Variants in MAML3 observed in about 807,000 individuals in gnomAD.
MAML3 encodes the protein mastermind-like protein 3.
In MAML3, 27 loss-of-function variants were observed where a neutral mutation model predicts 101.9. The observed-to-expected ratio is 0.27, with a 90% CI of 0.20 to 0.37. The LOEUF (loss-of-function observed/expected upper bound fraction) is 0.37, where lower values mean the gene tolerates loss of function less well. MAML3 is among the 10% of genes least tolerant of loss of function. The pLI is 1.00. For synonymous variants in MAML3, 501 were observed against 555.9 expected (o/e 0.90, Z 1.39); for missense variants, 1,316 against 1,444.9 (o/e 0.91, Z 1.45).
intron 1 of MAML3, among the ~76,000 whole-genome samples, chr4:139,984,600 C>T (rs1734501939): frequency 6.6e-6 from 1 of 152,154 alleles, no homozygotes; most frequent in Non-Finnish European, 1.5e-5. Flanking sequence ...TCAGAGTTCT[C>T]TAAAAAAACA....
chr4:139,926,676 T>C (rs114524084), intron 1 of MAML3, among the ~76,000 whole-genome samples: 4,439 of 152,348 alleles, frequency 0.029, 106 homozygotes, highest in Middle Eastern at 0.065. Flanking sequence ...TTAAAGCCTC[T>C]AATTTTTTTA....
intron 1 of MAML3, among the ~76,000 whole-genome samples, chr4:139,951,734 CTT>C (rs71584344): frequency 2.5e-4 from 35 of 142,682 alleles, no homozygotes; most frequent in Admixed American, 3.5e-4. Flanking sequence ...TGTTTTTGTT[CTT>C]TTTTTTTTTT....
intron 1 of MAML3, among the ~76,000 whole-genome samples, chr4:139,893,640 G>A (rs1036966203): frequency 2.0e-5 from 3 of 152,146 alleles, no homozygotes; most frequent in African/African-American, 7.2e-5. Context: ...TTGACCATAA[G>A]GAATGCCTGA....
Position 140,020,258 on chromosome 4 carries a change from G to A in MAML3, c.469-129291C>T, listed in dbSNP as rs531687110. Among the ~76,000 whole-genome samples the A allele has an allele frequency of 1.9e-3, 285 of 152,238 alleles. 1 individual carries two copies. Among genetic ancestry groups the A allele is most frequent in the Non-Finnish European group, 3.3e-3 (223 of 68,006 alleles). On this transcript the variant is annotated intron_variant, in intron 1 of 4. Transcript: ENST00000509479. ...CCAGAAAAGAAATGCCTATGTAAAT[G>A]TCCTAATGCAAACAAAAGACTCTTT...
At chr4:140,027,563 T>C (rs1426060745) in intron 1 of MAML3, among the ~76,000 whole-genome samples, 1 of 152,228 alleles carries the variant, frequency 6.6e-6, no homozygotes, top group African/African-American at 2.4e-5. Context: ...CCCTCTGCCC[T>C]ACCCAGTGCT....
chr4:139,792,020 T>C (rs1560795639), intron 2 of MAML3, among the ~76,000 whole-genome samples: 2 of 152,204 alleles, frequency 1.3e-5, no homozygotes, highest in Admixed American at 6.5e-5. Flanking sequence ...GGCAGATGCA[T>C]GTTGGAGGCT....
Position 140,051,557 on chromosome 4 carries a change from CA to C in MAML3, c.468+101302del, listed in dbSNP as rs545993388. Among the ~76,000 whole-genome samples, 791 of 103,296 alleles carry C rather than the reference CA, an allele frequency of 7.7e-3. 1 individual carries two copies. Among genetic ancestry groups the C allele is most frequent in the African/African-American group, 0.015 (439 of 28,488 alleles). 67.8% of individuals were successfully genotyped at this position (103,296 alleles called of 152,430 possible). On this transcript the variant is annotated intron_variant, in intron 1 of 4. Transcript: ENST00000509479. The stretch of plus-strand genomic sequence containing the variant: ...GAGTGACAGAGATGAGACTCAGTCT[CA>C]AAAAAAAAAAAAAATTAAATTAATG...
intron 2 of MAML3, among the ~76,000 whole-genome samples, chr4:139,811,927 G>C (rs1231861642): frequency 6.6e-6 from 1 of 152,214 alleles, no homozygotes; most frequent in East Asian, 1.9e-4. Flanking sequence ...AAAACGTTCA[G>C]TGGGGGAAAG....
chr4:140,097,380 TAGA>T (rs1362649454), intron 1 of MAML3, among the ~76,000 whole-genome samples: 1 of 152,154 alleles, frequency 6.6e-6, no homozygotes, highest in African/African-American at 2.4e-5. Flanking sequence ...AGGAGCTGCT[TAGA>T]AGGAGAAGAC....
chr4:139,811,322 A>G (rs778845370), intron 2 of MAML3, among the ~76,000 whole-genome samples: 2 of 152,212 alleles, frequency 1.3e-5, no homozygotes, highest in Non-Finnish European at 2.9e-5. Flanking sequence ...CACAGTCTAG[A>G]AAAGCCTTGG....
At chr4:139,988,446 T>C (rs1734595026) in intron 1 of MAML3, among the ~76,000 whole-genome samples, 1 of 151,882 alleles carries the variant, frequency 6.6e-6, no homozygotes, top group South Asian at 2.1e-4. Context: ...CTTAGAAGAG[T>C]TGTCCCACAC....
Position 140,067,419 on chromosome 4 carries a change from G to A in MAML3, c.468+85441C>T, listed in dbSNP as rs560028381. On this transcript the variant is annotated intron_variant, in intron 1 of 4. Coordinates refer to ENST00000509479, the MANE Select transcript of MAML3 (RefSeq NM_018717.5). ...TGGGATAGCCAACAAGGTTAGGGAGGGAGACAGCATACGTATTATTTACAA... is the reference window on the plus strand; with the variant it reads ...TGGGATAGCCAACAAGGTTAGGGAGAGAGACAGCATACGTATTATTTACAA... Among the ~76,000 whole-genome samples the A allele has an allele frequency of 5.9e-5, 9 of 152,192 alleles. No individual in the cohort carries two copies. The East Asian group carries it at 1.7e-3, about 29-fold the overall frequency.
chr4:140,073,862 G>A (rs1322996758), intron 1 of MAML3, among the ~76,000 whole-genome samples: 1 of 151,996 alleles, frequency 6.6e-6, no homozygotes. Context: ...GGCCAGGTGT[G>A]GTGGCTCATA....
chr4:140,131,034 AC>A (rs1728785086), intron 1 of MAML3, among the ~76,000 whole-genome samples: 1 of 151,964 alleles, frequency 6.6e-6, no homozygotes, highest in African/African-American at 2.4e-5. Context: ...AATTCTACTC[AC>A]CTTACTTCCA....
chr4:140,146,249 A>G (rs1560908026), intron 1 of MAML3, among the ~76,000 whole-genome samples: 3 of 152,090 alleles, frequency 2.0e-5, no homozygotes, highest in Non-Finnish European at 2.9e-5. Flanking sequence ...TCCTGCTCCT[A>G]TCCATGCGTG....
At chr4:139,989,153 A>G (rs1023813530) in intron 1 of MAML3, among the ~76,000 whole-genome samples, 3 of 152,140 alleles carry the variant, frequency 2.0e-5, no homozygotes, top group Non-Finnish European at 4.4e-5. Context: ...GGACAGAAGC[A>G]GGAATCTTGG....
At chr4:139,778,142 G>C (rs570390915) in intron 2 of MAML3, among the ~76,000 whole-genome samples, 2 of 152,278 alleles carry the variant, frequency 1.3e-5, no homozygotes, top group East Asian at 3.9e-4. Context: ...AATGAATATT[G>C]GTTGAATGAA....
At chr4:140,151,633 C>G (rs1287186415) in intron 1 of MAML3, among the ~76,000 whole-genome samples, 2 of 151,690 alleles carry the variant, frequency 1.3e-5, no homozygotes, top group Non-Finnish European at 2.9e-5. Flanking sequence ...GCGCGCGGCC[C>G]CGGCACGCTC....
In MAML3 at chr4:140,003,659, G is replaced by C. The variant is rs74569466; in HGVS notation, c.469-112692C>G. On this transcript the variant is annotated intron_variant, in intron 1 of 4. Coordinates refer to ENST00000509479, the MANE Select transcript of MAML3 (RefSeq NM_018717.5). ...TTTAAAGTGAGGATAATAACATTTT[G>C]CCAGCAACGTCTGTCAAAGGGGACT... 4.2e-3 allele frequency among the ~76,000 whole-genome samples: 637 copies of C among 152,232 alleles called. 10 individuals are homozygous for C. The highest frequency in any genetic ancestry group is 0.014 in the African/African-American group (595 of 41,532).
Sources: gnomAD v4.1 joint callset for allele counts (sites outside exome capture counted in the v4.1 genomes callset) on GRCh38, gnomAD v4.1.1 for gene constraint, MANE v1.5 for transcripts, NCBI Gene and HGNC (gene_info 2026-07-23, HGNC 2026-07-21) for gene names.